The following PLXDC2 variants were observed in gnomAD, a reference collection of about 807,000 sequenced individuals.
PLXDC2 encodes the protein plexin domain containing 2.
PLXDC2 carries 40 observed loss-of-function variants against 68.9 expected under a neutral mutation model. The observed-to-expected ratio is 0.58, with a 90% CI of 0.45 to 0.76. The LOEUF is 0.76. Among genes scored for constraint, PLXDC2 ranks in the 30% least tolerant of loss-of-function variants. PLXDC2 has a pLI of 0.00. For synonymous variants in PLXDC2, 243 were observed against 234.2 expected, an observed-to-expected ratio of 1.04 and a Z score of -0.34; for missense variants, 644 against 661.9, an observed-to-expected ratio of 0.97 and a Z score of 0.30.
At chr10:20,041,900 A>G (rs1835689614) in intron 2 of PLXDC2, among the ~76,000 whole-genome samples, 1 of 152,196 alleles carries the variant, frequency 6.6e-6, no homozygotes, top group Non-Finnish European at 1.5e-5. Context: ...CTCTTCTTAC[A>G]AGGACACTAA....
intron 2 of PLXDC2, among the ~76,000 whole-genome samples, chr10:20,033,605 G>A (rs1835535828): frequency 6.6e-6 from 1 of 152,146 alleles, no homozygotes; most frequent in Admixed American, 6.5e-5. Flanking sequence ...CTTACATGGT[G>A]GCAGGCAAGA....
intron 1 of PLXDC2, among the ~76,000 whole-genome samples, chr10:19,916,340 G>C (rs1434143015): frequency 1.7e-5 from 2 of 121,066 alleles, no homozygotes; most frequent in Non-Finnish European, 3.8e-5. Flanking sequence ...GTAGAGATGG[G>C]GTTTCGCCAC....
intron 1 of PLXDC2, among the ~76,000 whole-genome samples, chr10:19,960,254 C>T (rs1016880431): frequency 1.3e-5 from 2 of 150,078 alleles, no homozygotes; most frequent in African/African-American, 4.9e-5. Context: ...TTCCCAGCTA[C>T]TGGGGAGGCT....
At chr10:19,912,637 C>G (rs754425670) in intron 1 of PLXDC2, among the ~76,000 whole-genome samples, 2 of 151,782 alleles carry the variant, frequency 1.3e-5, no homozygotes, top group Admixed American at 1.3e-4. Context: ...CCTTAAAGAT[C>G]CTTATTTTAC....
intron 9 of PLXDC2, among the ~76,000 whole-genome samples, chr10:20,207,425 A>C (rs1024226906): frequency 6.6e-6 from 1 of 152,186 alleles, no homozygotes; most frequent in Non-Finnish European, 1.5e-5. Context: ...TTGTTAAAAT[A>C]TAAGGTAAAA....
intron 3 of PLXDC2, among the ~76,000 whole-genome samples, chr10:20,055,040 T>C (rs1835972450): frequency 6.6e-6 from 1 of 152,154 alleles, no homozygotes; most frequent in South Asian, 2.1e-4. Flanking sequence ...GGAAGATTGA[T>C]TCTTTAAATA....
At position 19,960,696 on chromosome 10, in the gene PLXDC2, C is replaced by G. The variant is rs376330131; in HGVS notation, c.113-41079C>G. 4.6e-5 allele frequency among the ~76,000 whole-genome samples: 7 copies of G among 152,270 alleles called. No individual in the cohort carries two copies. In the East Asian group the frequency reaches 1.2e-3, roughly 25 times the overall value. ...AATATCTTTCCAAGCAAAGACAGTT[C>G]CTGTTTATCCCTTGACCAAGGAATT... On this transcript the variant is annotated intron_variant, in intron 1 of 13. Transcript: ENST00000377252.
intron 1 of PLXDC2, among the ~76,000 whole-genome samples, chr10:19,968,960 A>G (rs1589561962): frequency 6.6e-6 from 1 of 152,206 alleles, no homozygotes; most frequent in East Asian, 1.9e-4. Flanking sequence ...CAGTTACTGT[A>G]AAAGCCCTGG....
intron 1 of PLXDC2, among the ~76,000 whole-genome samples, chr10:19,936,297 G>A (rs1036412465): frequency 6.6e-6 from 1 of 152,076 alleles, no homozygotes; most frequent in African/African-American, 2.4e-5. Context: ...AGGATAGATT[G>A]GTTTTGTCTG....
chr10:20,268,602 A>T (rs1463592504), intron 13 of PLXDC2, among the ~76,000 whole-genome samples: 1 of 152,120 alleles, frequency 6.6e-6, no homozygotes, highest in Non-Finnish European at 1.5e-5. Context: ...ATAGAAAATA[A>T]CTCACCATTA....
chr10:20,026,927 T>C (rs1232080235), intron 2 of PLXDC2, among the ~76,000 whole-genome samples: 3 of 91,140 alleles, frequency 3.3e-5, no homozygotes, highest in African/African-American at 4.2e-5. Flanking sequence ...TTCTAATATA[T>C]AGAATACACT....
At chr10:20,167,748 G>A (rs1834393686) in intron 7 of PLXDC2, among the ~76,000 whole-genome samples, 1 of 152,044 alleles carries the variant, frequency 6.6e-6, no homozygotes, top group African/African-American at 2.4e-5. Flanking sequence ...TGTAGCCATG[G>A]GAACATGGGA....
At chr10:20,063,983 A>G (rs1194560588) in intron 3 of PLXDC2, among the ~76,000 whole-genome samples, 1 of 152,168 alleles carries the variant, frequency 6.6e-6, no homozygotes, top group East Asian at 1.9e-4. Context: ...ATTTTAAGAA[A>G]TTAGTTAGCA....
At chr10:19,980,669 G>A (rs1164789406) in intron 1 of PLXDC2, among the ~76,000 whole-genome samples, 6 of 152,192 alleles carry the variant, frequency 3.9e-5, no homozygotes, top group Admixed American at 2.6e-4. Flanking sequence ...TGTAAATAAT[G>A]TTAGTCAAGA....
At chr10:20,117,268 G>T (rs1272671360) in intron 4 of PLXDC2, among the ~76,000 whole-genome samples, 3 of 152,116 alleles carry the variant, frequency 2.0e-5, no homozygotes, top group African/African-American at 7.2e-5. Context: ...ATTTCCAAGA[G>T]TACATAAATA....
At chr10:19,872,211 C>T (rs73601623) in intron 1 of PLXDC2, among the ~76,000 whole-genome samples, 27,833 of 152,168 alleles carry the variant, frequency 0.18, 2,728 homozygotes, top group Non-Finnish European at 0.23. Context: ...GCAAAGGCAA[C>T]GCAGGTCAAG....
intron 1 of PLXDC2, among the ~76,000 whole-genome samples, chr10:19,861,256 G>A (rs4748615): frequency 0.66 from 100,334 of 151,580 alleles, 34,454 homozygotes; most frequent in African/African-American, 0.86. Flanking sequence ...GCTGGTCTAG[G>A]ACTCCTGACC....
chr10:19,861,707 C>A (rs2131335417), intron 1 of PLXDC2, among the ~76,000 whole-genome samples: 2 of 152,284 alleles, frequency 1.3e-5, no homozygotes, highest in Middle Eastern at 3.4e-3. Flanking sequence ...ATTCAAATGT[C>A]CAGTCTTTTT....
intron 1 of PLXDC2, among the ~76,000 whole-genome samples, chr10:19,855,537 T>C (rs150746020): frequency 2.6e-5 from 4 of 152,258 alleles, no homozygotes; most frequent in African/African-American, 9.6e-5. Flanking sequence ...AGTAGAAGTG[T>C]TTCTGGTTTC....
Sources: gnomAD v4.1 joint callset for allele counts (sites outside exome capture counted in the v4.1 genomes callset) on GRCh38, gnomAD v4.1.1 for gene constraint, MANE v1.5 for transcripts, NCBI Gene and HGNC (gene_info 2026-07-23, HGNC 2026-07-21) for gene names.